Variants in RPS19 observed in about 807,000 individuals in gnomAD.
RPS19 encodes the protein small ribosomal subunit protein eS19.
Under a neutral mutation model 20.3 loss-of-function variants are expected in RPS19, and 1 was observed. That is an observed-to-expected ratio of 0.05 (90% CI 0.02 to 0.23). The LOEUF (loss-of-function observed/expected upper bound fraction) is 0.23, where lower values mean the gene tolerates loss of function less well. Ranked by LOEUF, RPS19 falls within the 10% of genes least tolerant of loss-of-function variation. The pLI is 1.00. For missense variants in RPS19, 111 were observed against 192.7 expected, an observed-to-expected ratio of 0.58 and a Z score of 2.51; for synonymous variants, 87 against 74.8, an observed-to-expected ratio of 1.16 and a Z score of -0.84.
In RPS19 at chr19:41,867,838, G is replaced by C. The variant is rs191412713; in HGVS notation, c.173-1193G>C. Among the ~76,000 whole-genome samples the C allele has an allele frequency of 5.8e-4, 89 of 152,228 alleles. No homozygotes were observed. The East Asian group carries it at 0.017, about 28-fold the overall frequency. On this transcript the variant is annotated intron_variant, in intron 3 of 5. Transcript: ENST00000598742. Reference sequence around the variant, plus strand: ...AAGAAAAAAGAAAAAGCACTAATACGGTGTAAATAATTGTTACACTGTTTT... The same window carrying C: ...AAGAAAAAAGAAAAAGCACTAATACCGTGTAAATAATTGTTACACTGTTTT...
intron 5 of RPS19, among the ~76,000 whole-genome samples, chr19:41,870,965 C>G (rs1379291803): frequency 5.8e-5 from 8 of 138,204 alleles, no homozygotes; most frequent in African/African-American, 2.1e-4. Context: ...TGGGTTCAAG[C>G]AATTCTCCTA....
In RPS19 at chr19:41,871,952, C is replaced by T. The variant is rs2074153424; in HGVS notation, c.*575C>T. 1.8e-5 allele frequency: 3 copies of T among 162,326 alleles called. No individual in the cohort carries two copies. The South Asian group carries it at 4.9e-4, about 26-fold the overall frequency. 10.1% of individuals were successfully genotyped at this position (162,326 alleles called of 1,614,324 possible). Reference sequence around the variant, plus strand: ...CAGGGAGCCTCCACCGCAAACTGACCTGTGCTGCCTACACACTAACTTTCC... The same window carrying T: ...CAGGGAGCCTCCACCGCAAACTGACTTGTGCTGCCTACACACTAACTTTCC... On this transcript the variant is annotated 3_prime_UTR_variant, in exon 6 of 6. Transcript: ENST00000598742.
At chr19:41,861,547 C>CA (rs2074032355) in intron 3 of RPS19, 1 of 376,452 alleles carries the variant, frequency 2.7e-6, no homozygotes, top group East Asian at 6.5e-5. Context: ...TTACATCTGG[C>CA]TGTGTGTCCT....
In RPS19 at chr19:41,870,936, C is replaced by T. The variant is rs141388762; in HGVS notation, c.412-415C>T. On this transcript the variant is annotated intron_variant, in intron 5 of 5. Coordinates refer to ENST00000598742, the MANE Select transcript of RPS19 (RefSeq NM_001022.4). ...GGAGTGCAGTGGTGCAATGTCAGCTCACTGCAACCTCTGCCACCTGGGTTC... is the reference window on the plus strand; with the variant it reads ...GGAGTGCAGTGGTGCAATGTCAGCTTACTGCAACCTCTGCCACCTGGGTTC... 3.2e-3 allele frequency among the ~76,000 whole-genome samples: 448 copies of T among 138,878 alleles called. 2 individuals are homozygous for T. Among genetic ancestry groups the T allele is most frequent in the African/African-American group, 0.011 (425 of 37,818 alleles). 91.1% of individuals were successfully genotyped at this position (138,878 alleles called of 152,430 possible).
At chr19:41,871,266 TGTGGTGGGTAGTTAGGTAGCTGTTACAAA>T (rs1695227397) in intron 5 of RPS19, 56 bp from the exon 6 acceptor site, 2 of 1,167,596 alleles carry the variant, frequency 1.7e-6, no homozygotes. Flanking sequence ...GGTGCCCACC[TGTGGTGGGTAGTTAGGTAGCTGTTACAAA>T]GTGCCCCAGC....
At chr19:41,869,643 G>T (rs782189787) in intron 4 of RPS19, 56 bp from the exon 5 acceptor site, 3 of 1,582,404 alleles carry the variant, frequency 1.9e-6, no homozygotes, top group Non-Finnish European at 2.6e-6. Flanking sequence ...GGAGGGAAGG[G>T]GCTGAGAACA....
rs886054470 is a variant in RPS19, at chr19:41,860,853, TG to T, written c.71+12del. The stretch of plus-strand genomic sequence containing the variant: ...GGCAGCCTTCCTCAAAAAGTGAGTT[TG>T]GGGACTGAGGTTCAAAACGGGTGGA... On this transcript the variant is annotated intron_variant, in intron 2 of 5. Coordinates refer to ENST00000598742, the MANE Select transcript of RPS19 (RefSeq NM_001022.4). The T allele has an allele frequency of 3.7e-6, 6 of 1,612,152 alleles. No homozygotes were observed. The highest frequency in any genetic ancestry group is 5.1e-6 in the Non-Finnish European group (6 of 1,178,872).
At chr19:41,866,774 T>C (rs782667219) in intron 3 of RPS19, among the ~76,000 whole-genome samples, 1 of 152,004 alleles carries the variant, frequency 6.6e-6, no homozygotes, top group African/African-American at 2.4e-5. Context: ...CCCAGCACTT[T>C]GGGAGGCCAA....
chr19:41,868,725 A>G (rs2074113797), intron 3 of RPS19, among the ~76,000 whole-genome samples: 1 of 152,180 alleles, frequency 6.6e-6, no homozygotes, highest in Non-Finnish European at 1.5e-5. Context: ...GGAGATGGTC[A>G]CAGCTAGGCT....
chr19:41,868,943 CAGTG>C (rs531153320), intron 3 of RPS19, 84 bp from the exon 4 acceptor site: 74 of 1,342,056 alleles, frequency 5.5e-5, no homozygotes, highest in Non-Finnish European at 7.8e-5. Context: ...TCTTATAAAA[CAGTG>C]AGAATTAGCT....
intron 3 of RPS19, among the ~76,000 whole-genome samples, chr19:41,866,461 G>C (rs192943694): frequency 1.3e-5 from 2 of 152,282 alleles, no homozygotes; most frequent in East Asian, 1.9e-4. Context: ...GCAGGATTGT[G>C]GGGGGTGGCT....
At chr19:41,860,959 G>T (rs2074023520) in intron 2 of RPS19, 114 bp downstream of exon 2, 8 of 1,127,364 alleles carry the variant, frequency 7.1e-6, no homozygotes, top group Non-Finnish European at 1.1e-5. Flanking sequence ...GGCCTCCGTG[G>T]CTCCTTTCAG....
chr19:41,865,949 TAAAAAAAAAAAA>T (rs35155067), intron 3 of RPS19, among the ~76,000 whole-genome samples: 2 of 74,506 alleles, frequency 2.7e-5, no homozygotes, highest in Non-Finnish European at 5.0e-5. Context: ...ACTCCGTCTT[TAAAAAAAAAAAA>T]AAAAAAAAAA....
rs61762294 is a variant in RPS19 at position 41,869,232 on chromosome 19, G to C, written c.356+18G>C. ...CAAGATGGGTAAGCAGGGTAGAGGGGGCTGCATTGATGGAGTAGCCTTGAG... is the reference window on the plus strand; with the variant it reads ...CAAGATGGGTAAGCAGGGTAGAGGGCGCTGCATTGATGGAGTAGCCTTGAG... On this transcript the variant is annotated intron_variant, in intron 4 of 5. Coordinates refer to ENST00000598742, the MANE Select transcript of RPS19 (RefSeq NM_001022.4). 25,132 of 1,608,326 alleles carry C rather than the reference G, an allele frequency of 0.016. 234 individuals are homozygous for C. Among genetic ancestry groups the C allele is most frequent in the Non-Finnish European group, 0.018 (20,973 of 1,176,288 alleles).
At chr19:41,865,745 G>C (rs61761238) in intron 3 of RPS19, among the ~76,000 whole-genome samples, 1,720 of 151,602 alleles carry the variant, frequency 0.011, 17 homozygotes, top group Non-Finnish European at 0.017. Flanking sequence ...TCAAGAGATC[G>C]AGACCATCCT....
chr19:41,862,444 G>A (rs530939458), intron 3 of RPS19, among the ~76,000 whole-genome samples: 76 of 152,240 alleles, frequency 5.0e-4, no homozygotes, highest in South Asian at 2.5e-3. Flanking sequence ...TTCCCTGGGC[G>A]CACAGCAGTG....
chr19:41,869,776 G>A, intron 5 of RPS19, 23 bp downstream of exon 5: 8 of 1,613,046 alleles, frequency 5.0e-6, no homozygotes, highest in Non-Finnish European at 6.8e-6. Flanking sequence ...TTTGGGGTGG[G>A]GCTGGGTCCC....
At chr19:41,861,452 C>T (rs1330532540) in intron 3 of RPS19, 2 of 548,476 alleles carry the variant, frequency 3.6e-6, no homozygotes, top group Non-Finnish European at 3.3e-6. Context: ...AAACCAGAGA[C>T]AGATGAATGT....
intron 3 of RPS19, among the ~76,000 whole-genome samples, chr19:41,862,455 A>C (rs1555839465): frequency 6.6e-6 from 1 of 152,110 alleles, no homozygotes; most frequent in Non-Finnish European, 1.5e-5. Context: ...CACAGCAGTG[A>C]CAAGCCCTGG....
Sources: gnomAD v4.1 joint callset for allele counts (sites outside exome capture counted in the v4.1 genomes callset) on GRCh38, gnomAD v4.1.1 for gene constraint, MANE v1.5 for transcripts, NCBI Gene and HGNC (gene_info 2026-07-23, HGNC 2026-07-21) for gene names.